The following DENND3 variants were observed in gnomAD, a reference collection of about 807,000 sequenced individuals.
The protein encoded by DENND3 is DENN domain-containing protein 3.
DENND3 carries 88 observed loss-of-function variants against 135.1 expected under a neutral mutation model. The ratio of observed to expected loss-of-function variants is 0.65; its 90% CI spans 0.55 to 0.78. The LOEUF (loss-of-function observed/expected upper bound fraction) is 0.78, where lower values mean the gene tolerates loss of function less well. Ranked by LOEUF, DENND3 falls within the 30% of genes least tolerant of loss-of-function variation. The pLI, the probability that DENND3 is intolerant of heterozygous loss-of-function variation, is 0.00. For missense variants in DENND3, 1,392 were observed against 1,688.4 expected (o/e 0.82, Z 3.08); for synonymous variants, 693 against 712.3 (o/e 0.97, Z 0.43).
intron 7 of DENND3, among the ~76,000 whole-genome samples, chr8:141,153,380 C>T (rs1234003095): frequency 2.0e-5 from 3 of 152,228 alleles, no homozygotes; most frequent in Non-Finnish European, 4.4e-5. Flanking sequence ...AGGCGTGAGC[C>T]ACCACGCCTT....
chr8:141,145,853 ATT>A (rs1398317725), intron 5 of DENND3, among the ~76,000 whole-genome samples: 1 of 85,836 alleles, frequency 1.2e-5, no homozygotes, highest in African/African-American at 4.1e-5. Flanking sequence ...ATATATATGT[ATT>A]TTTTTTTTTT....
At position 141,141,933 on chromosome 8, in the gene DENND3, A is replaced by C. The variant is rs1265470260; in HGVS notation, c.623+609A>C. ...GTGGTGTGTGCCTGTAGTCCCAGCT[A>C]CTGGGAAGGCTAACGCAGGAGGATG... On this transcript the variant is annotated intron_variant, in intron 4 of 22. Coordinates refer to ENST00000519811, the MANE Select transcript of DENND3 (RefSeq NM_001352890.3). This position sits in a 1 kb window ranked among gnomAD's most constrained non-coding sequence, Gnocchi z 5.3. 3 of 195,464 alleles carry C rather than the reference A, an allele frequency of 1.5e-5. No homozygotes were observed. The highest frequency in any genetic ancestry group is 7.2e-5 in the African/African-American group (3 of 41,776). 12.1% of individuals were successfully genotyped at this position (195,464 alleles called of 1,614,324 possible).
rs749361114 is a variant in DENND3 at position 141,185,348 on chromosome 8, C to T, written c.3084+70C>T. The T allele has an allele frequency of 3.1e-6, 5 of 1,591,356 alleles. No individual in the cohort carries two copies. The East Asian group carries it at 9.0e-5, about 29-fold the overall frequency. On this transcript the variant is annotated intron_variant, in intron 18 of 22. Coordinates refer to ENST00000519811, the MANE Select transcript of DENND3 (RefSeq NM_001352890.3). ...ATTTCTGAAACCCAAGTGTGTTCAT[C>T]CATATTCGACAGTAGGATACAAGCT...
chr8:141,165,400 CT>C, intron 11 of DENND3, 111 bp downstream of exon 11: 1 of 778,656 alleles, frequency 1.3e-6, no homozygotes, highest in Non-Finnish European at 2.1e-6. Context: ...ATACCTTGTG[CT>C]TAGAAACTCA....
Position 141,175,523 on chromosome 8 carries a change from T to C in DENND3, c.2535+64T>C, listed in dbSNP as rs1437170444. 1 of 1,610,968 alleles carries C rather than the reference T, an allele frequency of 6.2e-7. No individual in the cohort carries two copies. Among genetic ancestry groups the C allele is most frequent in the Non-Finnish European group, 8.5e-7 (1 of 1,179,558 alleles). On this transcript the variant is annotated intron_variant, in intron 14 of 22. Transcript: ENST00000519811. The surrounding 1 kb of genome is among the most constrained non-coding windows in gnomAD (Gnocchi z 5.4). ...GTGTTTAGGAGACAGATGGCTGGAG[T>C]GGGCCCTGAGCAGTCTGCCAGCCAT...
chr8:141,192,934 C>A (rs960351782), intron 22 of DENND3: 2 of 1,385,192 alleles, frequency 1.4e-6, no homozygotes. Flanking sequence ...TCACAGTTCT[C>A]GACGCTGGAG....
rs1326928832 is a variant in DENND3 at position 141,166,481 on chromosome 8, G to A, written c.1753+92G>A. On this transcript the variant is annotated intron_variant, in intron 12 of 22. Transcript: ENST00000519811. The surrounding 1 kb of genome is among the most constrained non-coding windows in gnomAD (Gnocchi z 4.3). ...AGCAAAACTGGGACTTGTTTCAGGA[G>A]AGACGAGTGGGCTTGTTTTAGCAGC... 2.2e-6 allele frequency: 3 copies of A among 1,355,210 alleles called. No individual in the cohort carries two copies. Among genetic ancestry groups the A allele is most frequent in the Non-Finnish European group, 1.0e-6 (1 of 1,000,020 alleles). 83.9% of individuals were successfully genotyped at this position (1,355,210 alleles called of 1,614,324 possible).
rs755594245 is a variant in DENND3, at chr8:141,144,227, A to C, written c.703A>C (p.Ile235Leu). 2 of 1,613,982 alleles carry C rather than the reference A, an allele frequency of 1.2e-6. No homozygotes were observed. The highest frequency in any genetic ancestry group is 1.7e-6 in the Non-Finnish European group (2 of 1,179,968). Residue 235 changes from isoleucine to leucine, a missense_variant, in exon 5 of 23, where the codon ATA becomes CTA. Ile to Leu is a conservative substitution (Grantham distance 5). Coordinates refer to ENST00000519811, the MANE Select transcript of DENND3 (RefSeq NM_001352890.3). The surrounding 1 kb of genome is among the most constrained non-coding windows in gnomAD (Gnocchi z 4.4). ...AGATTTCGCTGCGAAGCTGTCTTTA[A>C]TACCCAGCCCGCCACCTGGACCGCT... ...IKDFAAKLSL[I>L]PSPPPGPLHL... is the part of the protein sequence containing the mutation.
Position 141,139,339 on chromosome 8 carries a change from G to A in DENND3, c.501+1202G>A, listed in dbSNP as rs780190978. On this transcript the variant is annotated intron_variant, in intron 3 of 22. Transcript: ENST00000519811. The surrounding 1 kb of genome is among the most constrained non-coding windows in gnomAD (Gnocchi z 4.2). ...CTCATGGGGCAGCACAGACAGGCCC[G>A]GATGTTCTTAATGAATATGCAGGAG... Among the ~76,000 whole-genome samples the A allele has an allele frequency of 3.9e-5, 6 of 152,184 alleles. No homozygotes were observed. The highest frequency in any genetic ancestry group is 7.4e-5 in the Non-Finnish European group (5 of 68,016).
chr8:141,128,779 C>T lies in DENND3; in HGVS notation c.72C>T (p.Ala24=), dbSNP rs982221893. 4 of 1,462,872 alleles carry T rather than the reference C, an allele frequency of 2.7e-6. No homozygotes were observed. Among genetic ancestry groups the T allele is most frequent in the Non-Finnish European group, 3.6e-6 (4 of 1,108,650 alleles). The allele number at this position is 1,462,872 out of a possible 1,614,324, so 90.6% of individuals were successfully genotyped here. The stretch of plus-strand genomic sequence containing the variant: ...TGGAGCTCTGCGCGCTGCTGGGCGC[C>T]CCCCGGGACAGTCTCCGAAGTCTCG... ...GLLELCALLG[A]PRDSLRSLEQ... The change falls in exon 1 of 23, where the codon GCC becomes GCT. Residue 24 remains alanine, a synonymous_variant. Coordinates refer to ENST00000519811, the MANE Select transcript of DENND3 (RefSeq NM_001352890.3). The surrounding 1 kb of genome is among the most constrained non-coding windows in gnomAD (Gnocchi z 4.5).
intron 19 of DENND3, among the ~76,000 whole-genome samples, chr8:141,189,421 G>A (rs1801578354): frequency 6.6e-6 from 1 of 152,244 alleles, no homozygotes; most frequent in African/African-American, 2.4e-5. Flanking sequence ...GCATGGGGCA[G>A]CCCCGAGAGG....
At chr8:141,149,809 A>T (rs917098143) in intron 5 of DENND3, among the ~76,000 whole-genome samples, 18 of 152,380 alleles carry the variant, frequency 1.2e-4, no homozygotes, top group Non-Finnish European at 2.2e-4. Context: ...AAACGATGTT[A>T]TTCAAGGACC....
rs1349165204 is a variant in DENND3, at chr8:141,144,112, T to G, written c.624-36T>G. ...ACGATGACAACTGCGTTCTCATCTT[T>G]ATTTTGCGGTTTGAGTTTTGTGTTT... On this transcript the variant is annotated intron_variant, in intron 4 of 22. Transcript: ENST00000519811. The surrounding 1 kb of genome is among the most constrained non-coding windows in gnomAD (Gnocchi z 4.4). 6.4e-7 allele frequency: 1 copy of G among 1,561,206 alleles called. No homozygotes were observed. The highest frequency in any genetic ancestry group is 8.8e-7 in the Non-Finnish European group (1 of 1,139,422).
intron 16 of DENND3, 129 bp from the exon 17 acceptor site, chr8:141,180,618 C>G (rs940891346): frequency 1.9e-5 from 16 of 850,240 alleles, no homozygotes; most frequent in Non-Finnish European, 2.6e-5. Flanking sequence ...AAGAGACCTT[C>G]GTCTTCACAA....
At chr8:141,129,101 T>G (rs1815583688) in intron 1 of DENND3, among the ~76,000 whole-genome samples, 1 of 152,200 alleles carries the variant, frequency 6.6e-6, no homozygotes, top group Non-Finnish European at 1.5e-5. Flanking sequence ...CGGCCGGGAA[T>G]CTGGGGGTGC....
intron 20 of DENND3, chr8:141,190,709 T>G (rs1824606553): frequency 3.0e-6 from 1 of 333,552 alleles, no homozygotes; most frequent in African/African-American, 2.1e-5. Flanking sequence ...TGTGCCCTGC[T>G]CTGGGGTTGA....
intron 20 of DENND3, 82 bp downstream of exon 20, chr8:141,190,499 CTT>C (rs1824579994): frequency 1.4e-6 from 2 of 1,457,984 alleles, no homozygotes; most frequent in African/African-American, 1.4e-5. Context: ...CAGAAAGCCT[CTT>C]TCCTTTGCTT....
intron 9 of DENND3, among the ~76,000 whole-genome samples, 157 bp from the exon 10 acceptor site, chr8:141,163,176 T>G (rs58062599): frequency 3.9e-5 from 6 of 152,202 alleles, no homozygotes; most frequent in African/African-American, 1.4e-4. Flanking sequence ...ACAAAATACA[T>G]CCACATCGTA....
Position 141,165,368 on chromosome 8 carries a change from TA to T in DENND3, c.1553+82del. On this transcript the variant is annotated intron_variant, in intron 11 of 22. Transcript: ENST00000519811. ...AGGACCTCAGTTTTATTCGAATGAGTAAATGAGAAAGTCAATGGGAAATACC... is the reference window on the plus strand; with the variant it reads ...AGGACCTCAGTTTTATTCGAATGAGTAATGAGAAAGTCAATGGGAAATACC... 2.6e-6 allele frequency: 3 copies of T among 1,163,990 alleles called. No homozygotes were observed. In the South Asian group the frequency reaches 3.8e-5, roughly 15 times the overall value. 72.1% of individuals were successfully genotyped at this position (1,163,990 alleles called of 1,614,324 possible).
Sources: gnomAD v4.1 joint callset for allele counts (sites outside exome capture counted in the v4.1 genomes callset) on GRCh38, gnomAD v4.1.1 for gene constraint, Gnocchi (gnomAD v3.1) non-coding constraint, MANE v1.5 for transcripts, NCBI Gene and HGNC (gene_info 2026-07-23, HGNC 2026-07-21) for gene names.